FANCC: variants seen among roughly 807,000 people sequenced by gnomAD.
The protein encoded by FANCC is Fanconi anemia group C protein.
A neutral mutation model predicts 71.3 loss-of-function variants in FANCC; 55 were observed. That is an observed-to-expected ratio of 0.77 (90% CI 0.62 to 0.97). The LOEUF (loss-of-function observed/expected upper bound fraction) is 0.97. Among genes scored for constraint, FANCC ranks in the 50% least tolerant of loss-of-function variants. FANCC has a pLI of 0.00. For missense variants in FANCC, 678 were observed against 670.9 expected, an observed-to-expected ratio of 1.01 and a Z score of -0.12; for synonymous variants, 275 against 244.9, an observed-to-expected ratio of 1.12 and a Z score of -1.15.
intron 1 of FANCC, among the ~76,000 whole-genome samples, chr9:95,269,792 C>G (rs1271255210): frequency 6.6e-6 from 1 of 152,128 alleles, no homozygotes; most frequent in Non-Finnish European, 1.5e-5. Context: ...GTTGCCCCTA[C>G]ACACCTGTGG....
At chr9:95,161,139 T>G (rs1830722868) in intron 6 of FANCC, among the ~76,000 whole-genome samples, 1 of 152,050 alleles carries the variant, frequency 6.6e-6, no homozygotes, top group Non-Finnish European at 1.5e-5. Context: ...AAGAGTTACT[T>G]TGGGGATGAA....
In FANCC at chr9:95,237,629, TA is replaced by T. The variant is rs562275196; in HGVS notation, c.345+3019del. Among the ~76,000 whole-genome samples, 350 of 152,358 alleles carry T rather than the reference TA, an allele frequency of 2.3e-3. 1 individual carries two copies. Among genetic ancestry groups the T allele is most frequent in the Non-Finnish European group, 3.8e-3 (261 of 68,042 alleles). ...TTTGTATTTAATTTTAATTCAATTT[TA>T]ATTTAAATACCGATACTTGATTCAG... is the stretch of plus-strand genomic sequence containing the variant. On this transcript the variant is annotated intron_variant, in intron 4 of 14. Transcript: ENST00000289081.
chr9:95,274,591 G>C (rs1190551368), intron 1 of FANCC, among the ~76,000 whole-genome samples: 1 of 152,142 alleles, frequency 6.6e-6, no homozygotes, highest in East Asian at 1.9e-4. Flanking sequence ...GATCCTTCAG[G>C]AATTTCCACA....
chr9:95,304,941 T>C (rs954449188), intron 1 of FANCC, among the ~76,000 whole-genome samples: 1 of 152,158 alleles, frequency 6.6e-6, no homozygotes, highest in Non-Finnish European at 1.5e-5. Flanking sequence ...TTGACAATGC[T>C]TGGCTTCAAT....
At chr9:95,302,022 C>T (rs1834767303) in intron 1 of FANCC, among the ~76,000 whole-genome samples, 1 of 135,384 alleles carries the variant, frequency 7.4e-6, no homozygotes, top group African/African-American at 2.8e-5. Flanking sequence ...GCGGAGTTTG[C>T]AGTGAGCAGA....
intron 4 of FANCC, among the ~76,000 whole-genome samples, chr9:95,177,782 C>T (rs987654719): frequency 1.3e-5 from 2 of 152,304 alleles, no homozygotes; most frequent in Middle Eastern, 3.4e-3. Context: ...ATGCAAACCC[C>T]GCTCTCTGGC....
rs2134632837 is a variant in FANCC at position 95,114,719 on chromosome 9, G to A, written c.1073-9C>T. 1 of 1,613,280 alleles carries A rather than the reference G, an allele frequency of 6.2e-7. No individual in the cohort carries two copies. The highest frequency in any genetic ancestry group is 8.5e-7 in the Non-Finnish European group (1 of 1,179,222). ...GTGTCCCCGAGGGATATCTGCGGGTGGAGAGAGATACGTCAGAGGGCAACT... is the reference window on the plus strand; with the variant it reads ...GTGTCCCCGAGGGATATCTGCGGGTAGAGAGAGATACGTCAGAGGGCAACT... On this transcript the variant is annotated splice_polypyrimidine_tract_variant and intron_variant, in intron 11 of 14. Transcript: ENST00000289081.
intron 1 of FANCC, among the ~76,000 whole-genome samples, chr9:95,308,220 TA>T (rs1351290351): frequency 1.3e-5 from 2 of 152,318 alleles, no homozygotes; most frequent in African/African-American, 4.8e-5. Context: ...AACTTATTTT[TA>T]AATTAAACAT....
chr9:95,247,329 AT>A (rs1831048153), intron 3 of FANCC, 102 bp downstream of exon 3: 8 of 855,318 alleles, frequency 9.4e-6, no homozygotes, highest in South Asian at 8.6e-5. Context: ...AAGTTGTTCC[AT>A]TAAAAAAAAA....
chr9:95,171,038 T>G, intron 6 of FANCC, 41 bp downstream of exon 6: 1 of 1,527,498 alleles, frequency 6.5e-7, no homozygotes, highest in East Asian at 2.3e-5. Flanking sequence ...AACTGATACA[T>G]TTTGAAACCT....
rs566927938 is a variant in FANCC, at chr9:95,164,953, A to T, written c.521+6126T>A. 2.0e-5 allele frequency among the ~76,000 whole-genome samples: 3 copies of T among 152,238 alleles called. No individual in the cohort carries two copies. The South Asian group carries it at 6.2e-4, about 32-fold the overall frequency. The stretch of plus-strand genomic sequence containing the variant: ...TTGGAAGGTTCTGAATAACCAATTC[A>T]ATCTCTTTACTAGTTGTAGGTCTGT... On this transcript the variant is annotated intron_variant, in intron 6 of 14. Coordinates refer to ENST00000289081, the MANE Select transcript of FANCC (RefSeq NM_000136.3).
At chr9:95,308,938 G>A (rs567454273) in intron 1 of FANCC, among the ~76,000 whole-genome samples, 19 of 152,042 alleles carry the variant, frequency 1.2e-4, no homozygotes, top group Non-Finnish European at 2.8e-4. Context: ...AGTCCAGGAG[G>A]GCAAGACTGC....
chr9:95,204,339 T>C (rs986704031), intron 4 of FANCC, among the ~76,000 whole-genome samples: 3 of 152,198 alleles, frequency 2.0e-5, no homozygotes, highest in Admixed American at 1.3e-4. Flanking sequence ...CCCATGGATA[T>C]CCATCACAAG....
At chr9:95,224,928 G>T (rs926992743) in intron 4 of FANCC, among the ~76,000 whole-genome samples, 1 of 152,014 alleles carries the variant, frequency 6.6e-6, no homozygotes, top group South Asian at 2.1e-4. Flanking sequence ...AAACCACACA[G>T]CTTTTAAAAG....
At chr9:95,177,400 A>G (rs2135635088) in intron 4 of FANCC, among the ~76,000 whole-genome samples, 1 of 152,322 alleles carries the variant, frequency 6.6e-6, no homozygotes, top group East Asian at 1.9e-4. Flanking sequence ...GTGAATATGA[A>G]GGCCGAAGAC....
chr9:95,300,859 G>C (rs1391692765), intron 1 of FANCC, among the ~76,000 whole-genome samples: 1 of 152,172 alleles, frequency 6.6e-6, no homozygotes, highest in Non-Finnish European at 1.5e-5. Context: ...GCTGGAAAGA[G>C]AGCCAGTGGC....
At chr9:95,262,977 A>C (rs1158050769) in intron 1 of FANCC, among the ~76,000 whole-genome samples, 1 of 152,244 alleles carries the variant, frequency 6.6e-6, no homozygotes, top group Admixed American at 6.5e-5. Context: ...TAATGGGTAG[A>C]GTTTCTGTTT....
rs996871661 is a variant in FANCC, at chr9:95,100,761, G to C, written c.*946C>G. On this transcript the variant is annotated 3_prime_UTR_variant, in exon 15 of 15. Coordinates refer to ENST00000289081, the MANE Select transcript of FANCC (RefSeq NM_000136.3). ...TCCTCATGCCTCAGCCTCTTGAATA[G>C]CTGGGATTACAGATGCATGCCATTG... 16 of 225,784 alleles carry C rather than the reference G, an allele frequency of 7.1e-5. No homozygotes were observed. The highest frequency in any genetic ancestry group is 1.1e-4 in the Admixed American group (2 of 17,534). The allele number at this position is 225,784 out of a possible 1,614,324, so 14.0% of individuals were successfully genotyped here. A position where few individuals can be genotyped will look rare whatever the true frequency, so the allele number is the denominator to read the frequency against.
Position 95,280,590 on chromosome 9 carries a change from A to T in FANCC, c.-78-31221T>A, listed in dbSNP as rs928042865. On this transcript the variant is annotated intron_variant, in intron 1 of 14. Transcript: ENST00000289081. ...AATGTGCTCTGATGACAAAAAAAGC[A>T]ATTAAAAATAAATGCAGGAAGTTTC... Among the ~76,000 whole-genome samples, 11 of 152,224 alleles carry T rather than the reference A, an allele frequency of 7.2e-5. No homozygotes were observed. In the East Asian group the frequency reaches 2.1e-3, roughly 29 times the overall value.
Sources: allele counts gnomAD v4.1 joint callset (sites outside exome capture counted in the v4.1 genomes callset), GRCh38; gene constraint gnomAD v4.1.1; transcripts MANE v1.5; gene names NCBI Gene and HGNC (gene_info 2026-07-23, HGNC 2026-07-21).